Variants in PTPRD observed in about 807,000 individuals in gnomAD.
PTPRD encodes protein tyrosine phosphatase receptor type D, also known as receptor-type tyrosine-protein phosphatase delta.
Under a neutral mutation model 214.5 loss-of-function variants are expected in PTPRD, and 34 were observed. The observed-to-expected ratio is 0.16, with a 90% confidence interval of 0.12 to 0.21. The LOEUF (loss-of-function observed/expected upper bound fraction) is 0.21, where lower values mean the gene tolerates loss of function less well. Among genes scored for constraint, PTPRD ranks in the 10% least tolerant of loss-of-function variants. The probability of loss-of-function intolerance (pLI) is 1.00; values close to 1 mark genes in which losing one functional copy is unlikely to be tolerated. For missense variants in PTPRD, 2,545 were observed against 2,398.7 expected (o/e 1.06, Z -1.27); for synonymous variants, 1,128 against 845.7 (o/e 1.33, Z -5.79).
intron 11 of PTPRD, among the ~76,000 whole-genome samples, chr9:8,892,510 T>G (rs1250702412): frequency 6.6e-6 from 1 of 150,788 alleles, no homozygotes; most frequent in Non-Finnish European, 1.5e-5. Context: ...AATACAAAGT[T>G]GAATATATAT....
chr9:8,326,142 T>G (rs1437288219), intron 44 of PTPRD, among the ~76,000 whole-genome samples: 1 of 152,236 alleles, frequency 6.6e-6, no homozygotes, highest in Admixed American at 6.5e-5. Context: ...ATCCCTCTCT[T>G]GTGCTACTTT....
chr9:10,146,440 T>A (rs1290118301), intron 3 of PTPRD, among the ~76,000 whole-genome samples: 1 of 152,014 alleles, frequency 6.6e-6, no homozygotes, highest in East Asian at 1.9e-4. Context: ...TAAAATAATT[T>A]CAGATGATGA....
intron 10 of PTPRD, among the ~76,000 whole-genome samples, chr9:9,170,013 TTTTTCA>T (rs1236338149): frequency 1.3e-5 from 2 of 152,164 alleles, no homozygotes; most frequent in African/African-American, 4.8e-5. Flanking sequence ...TCTTTGGTGT[TTTTTCA>T]TTTGTATTTA....
chr9:9,961,040 G>A (rs1253957929), intron 4 of PTPRD, among the ~76,000 whole-genome samples: 3 of 152,018 alleles, frequency 2.0e-5, no homozygotes, highest in Admixed American at 6.6e-5. Context: ...CATTTATGCA[G>A]CCAACAGACA....
At chr9:10,301,211 A>G (rs1287309556) in intron 3 of PTPRD, among the ~76,000 whole-genome samples, 4 of 152,164 alleles carry the variant, frequency 2.6e-5, no homozygotes, top group Admixed American at 6.5e-5. Context: ...AACAGAAAGG[A>G]AGAGCATCAA....
chr9:9,637,067 A>G (rs962422506), intron 7 of PTPRD, among the ~76,000 whole-genome samples: 1 of 152,140 alleles, frequency 6.6e-6, no homozygotes, highest in African/African-American at 2.4e-5. Context: ...CACTCTCATG[A>G]TGTAAATATC....
chr9:8,508,897 GT>G (rs2097602577), intron 21 of PTPRD, among the ~76,000 whole-genome samples: 1 of 146,002 alleles, frequency 6.8e-6, no homozygotes, highest in African/African-American at 2.7e-5. Flanking sequence ...GTGTCTGTGT[GT>G]GTGTGTGTGT....
chr9:8,849,478 G>T (rs765390102), intron 11 of PTPRD, among the ~76,000 whole-genome samples: 1 of 152,098 alleles, frequency 6.6e-6, no homozygotes, highest in Admixed American at 6.5e-5. Context: ...CACCGGCCTC[G>T]GCCTCCCAAA....
intron 7 of PTPRD, among the ~76,000 whole-genome samples, chr9:9,726,467 AG>A (rs33948811): frequency 0.56 from 85,770 of 152,014 alleles, 26,122 homozygotes; most frequent in African/African-American, 0.77. Flanking sequence ...CCTGCCTAAC[AG>A]CCCTACCACT....
At chr9:10,175,382 C>G (rs2099241640) in intron 3 of PTPRD, among the ~76,000 whole-genome samples, 1 of 151,918 alleles carries the variant, frequency 6.6e-6, no homozygotes, top group Non-Finnish European at 1.5e-5. Flanking sequence ...TGAGTCTCAT[C>G]CTATCAACAA....
At chr9:9,723,031 C>G (rs1423349664) in intron 7 of PTPRD, among the ~76,000 whole-genome samples, 1 of 152,026 alleles carries the variant, frequency 6.6e-6, no homozygotes, top group Admixed American at 6.6e-5. Flanking sequence ...GCACAGAAGA[C>G]TTTAAGTTCA....
At chr9:8,786,461 G>A (rs1016312393) in intron 11 of PTPRD, among the ~76,000 whole-genome samples, 3 of 135,554 alleles carry the variant, frequency 2.2e-5, no homozygotes, top group African/African-American at 8.2e-5. Context: ...CCAGCTTGGA[G>A]TGCAGTGGCT....
At chr9:8,834,882 G>C (rs371075572) in intron 11 of PTPRD, among the ~76,000 whole-genome samples, 26 of 152,314 alleles carry the variant, frequency 1.7e-4, no homozygotes, top group African/African-American at 5.5e-4. Flanking sequence ...AGAAAAGCAA[G>C]TGAAAAAGAG....
chr9:9,423,151 C>G (rs577009927), intron 8 of PTPRD, among the ~76,000 whole-genome samples: 157 of 152,250 alleles, frequency 1.0e-3, no homozygotes, highest in African/African-American at 3.5e-3. Context: ...TTCTCTGTAG[C>G]TTCTACAGTT....
chr9:9,801,033 A>T (rs2099036239), intron 5 of PTPRD, among the ~76,000 whole-genome samples: 1 of 152,164 alleles, frequency 6.6e-6, no homozygotes, highest in Non-Finnish European at 1.5e-5. Context: ...ATAGCTACTC[A>T]ACTGTTATTT....
At position 9,848,239 on chromosome 9, in the gene PTPRD, C is replaced by A. The variant is rs954359449; in HGVS notation, c.-367-81388G>T. Among the ~76,000 whole-genome samples the A allele has an allele frequency of 2.0e-5, 3 of 152,050 alleles. No individual in the cohort carries two copies. The South Asian group carries it at 6.2e-4, about 32-fold the overall frequency. Reference sequence around the variant, plus strand: ...GGCACTAGCTGTAAAGCCACAGATTCCCCAGTACTGCTTCTGTTATGTTCA... The same window carrying A: ...GGCACTAGCTGTAAAGCCACAGATTACCCAGTACTGCTTCTGTTATGTTCA... On this transcript the variant is annotated intron_variant, in intron 5 of 45. Coordinates refer to ENST00000381196, the MANE Select transcript of PTPRD (RefSeq NM_002839.4).
intron 3 of PTPRD, among the ~76,000 whole-genome samples, chr9:10,120,739 A>G (rs898746752): frequency 3.9e-5 from 6 of 152,208 alleles, no homozygotes; most frequent in African/African-American, 1.2e-4. Flanking sequence ...TTCTTCTTCA[A>G]TAAATCCTAC....
chr9:9,125,605 G>A (rs886790284), intron 10 of PTPRD, among the ~76,000 whole-genome samples: 135 of 152,140 alleles, frequency 8.9e-4, no homozygotes, highest in African/African-American at 3.2e-3. Flanking sequence ...CAAAATAGGT[G>A]CTCAAGAAAT....
At chr9:10,334,899 A>T (rs2096818627) in intron 3 of PTPRD, among the ~76,000 whole-genome samples, 1 of 151,764 alleles carries the variant, frequency 6.6e-6, no homozygotes, top group African/African-American at 2.4e-5. Flanking sequence ...TATGTATGTG[A>T]TATACATGAT....
Sources: allele counts gnomAD v4.1 joint callset (sites outside exome capture counted in the v4.1 genomes callset), GRCh38; gene constraint gnomAD v4.1.1; transcripts MANE v1.5; gene names NCBI Gene and HGNC (gene_info 2026-07-23, HGNC 2026-07-21).